The following LRP1B variants were observed in gnomAD, a reference collection of about 807,000 sequenced individuals.
The protein encoded by LRP1B is LDL receptor related protein 1B.
Under a neutral mutation model 556.6 loss-of-function variants are expected in LRP1B, and 217 were observed. That is an observed-to-expected ratio of 0.39 (90% confidence interval 0.35 to 0.44). The LOEUF (loss-of-function observed/expected upper bound fraction) is 0.44, where lower values mean the gene tolerates loss of function less well. Ranked by LOEUF, LRP1B falls within the 20% of genes least tolerant of loss-of-function variation. The pLI is 1.00. For missense variants in LRP1B, 5,053 were observed against 5,620.8 expected, an observed-to-expected ratio of 0.90 and a Z score of 3.23; for synonymous variants, 2,047 against 1,865.8, an observed-to-expected ratio of 1.10 and a Z score of -2.50.
chr2:141,671,302 C>G (rs1014673245), intron 2 of LRP1B, among the ~76,000 whole-genome samples: 1 of 152,048 alleles, frequency 6.6e-6, no homozygotes, highest in Non-Finnish European at 1.5e-5. Flanking sequence ...TCTCTAGAAG[C>G]AAATCATGAG....
intron 1 of LRP1B, among the ~76,000 whole-genome samples, chr2:141,957,794 A>G (rs1489135849): frequency 6.6e-6 from 1 of 152,090 alleles, no homozygotes; most frequent in Non-Finnish European, 1.5e-5. Context: ...TTGTGGTGTG[A>G]CAAAAGAGAT....
At chr2:140,582,322 G>A (rs1681801367) in intron 43 of LRP1B, among the ~76,000 whole-genome samples, 1 of 151,960 alleles carries the variant, frequency 6.6e-6, no homozygotes, top group African/African-American at 2.4e-5. Context: ...TCACGTAAAA[G>A]CCCCCTAAGG....
At chr2:140,550,960 A>G (rs1214578322) in intron 43 of LRP1B, among the ~76,000 whole-genome samples, 2 of 152,068 alleles carry the variant, frequency 1.3e-5, no homozygotes, top group Non-Finnish European at 2.9e-5. Context: ...TAATGTCCTT[A>G]TAAGTAGAGG....
intron 1 of LRP1B, among the ~76,000 whole-genome samples, chr2:142,034,275 G>T (rs1703801511): frequency 6.6e-6 from 1 of 151,550 alleles, no homozygotes; most frequent in Non-Finnish European, 1.5e-5. Flanking sequence ...ATATTTTATG[G>T]TGCATTTTCG....
At chr2:141,263,912 T>C (rs1269318184) in intron 3 of LRP1B, among the ~76,000 whole-genome samples, 1 of 152,026 alleles carries the variant, frequency 6.6e-6, no homozygotes, top group Non-Finnish European at 1.5e-5. Flanking sequence ...CCAAAAAGCG[T>C]TTAATAAAAA....
intron 15 of LRP1B, among the ~76,000 whole-genome samples, chr2:140,998,771 T>A (rs1438339422): frequency 2.0e-5 from 3 of 152,110 alleles, no homozygotes; most frequent in Non-Finnish European, 4.4e-5. Context: ...TTAGCCCAGC[T>A]TGAACATTTG....
At chr2:141,850,432 C>T (rs1697808275) in intron 1 of LRP1B, among the ~76,000 whole-genome samples, 1 of 151,512 alleles carries the variant, frequency 6.6e-6, no homozygotes, top group African/African-American at 2.4e-5. Context: ...CACCCATCAT[C>T]CACATTCCAC....
At chr2:141,749,822 T>C (rs1184328647) in intron 2 of LRP1B, among the ~76,000 whole-genome samples, 2 of 152,102 alleles carry the variant, frequency 1.3e-5, no homozygotes, top group African/African-American at 4.8e-5. Context: ...AGGTATGGCT[T>C]TACTTGCTGT....
intron 77 of LRP1B, among the ~76,000 whole-genome samples, chr2:140,341,922 C>A (rs1424505468): frequency 6.6e-6 from 1 of 151,204 alleles, no homozygotes; most frequent in Non-Finnish European, 1.5e-5. Flanking sequence ...CCAGAGGAGA[C>A]TAACTTAATG....
Position 140,790,198 on chromosome 2 carries a change from T to C in LRP1B, c.5360-13960A>G, listed in dbSNP as rs1021244. On this transcript the variant is annotated intron_variant, in intron 32 of 90. Coordinates refer to ENST00000389484, the MANE Select transcript of LRP1B (RefSeq NM_018557.3). ...TTTTTCACCTCTATCTTCAGCTCCC[T>C]GCAAAAGTATAACATAGATATATAA... 1.5e-3 allele frequency among the ~76,000 whole-genome samples: 233 copies of C among 152,242 alleles called. 1 individual carries two copies. Among genetic ancestry groups the C allele is most frequent in the African/African-American group, 5.3e-3 (221 of 41,540 alleles).
At chr2:141,426,747 T>C (rs1252535754) in intron 3 of LRP1B, among the ~76,000 whole-genome samples, 1 of 152,200 alleles carries the variant, frequency 6.6e-6, no homozygotes, top group Non-Finnish European at 1.5e-5. Context: ...TTAATTATTT[T>C]TTAGGCTGTA....
intron 6 of LRP1B, among the ~76,000 whole-genome samples, chr2:141,189,144 T>TA (rs573194693): frequency 1.1e-3 from 172 of 152,084 alleles, no homozygotes; most frequent in African/African-American, 3.3e-3. Flanking sequence ...TTAGGAATTG[T>TA]AAAAAAGGCT....
In LRP1B at chr2:141,052,937, C is replaced by G. The variant is rs1215646428; in HGVS notation, c.1552+2179G>C. Among the ~76,000 whole-genome samples, 4 of 152,018 alleles carry G rather than the reference C, an allele frequency of 2.6e-5. 1 individual carries two copies. Among genetic ancestry groups the G allele is most frequent in the African/African-American group, 9.7e-5 (4 of 41,424 alleles). On this transcript the variant is annotated intron_variant, in intron 10 of 90. Transcript: ENST00000389484. The stretch of plus-strand genomic sequence containing the variant: ...ACAGGCCTGAGCCACAACACTCGCC[C>G]TTGTTGTTACTTCTAATGGATGTCT...
chr2:140,768,206 G>T lies in LRP1B; in HGVS notation c.5758+1007C>A, dbSNP rs1055045233. 2.0e-5 allele frequency among the ~76,000 whole-genome samples: 3 copies of T among 151,842 alleles called. No homozygotes were observed. In the South Asian group the frequency reaches 6.2e-4, roughly 31 times the overall value. ...AACTCATTTTTGAACAATTTGTGAA[G>T]ATCCCCAGTAATTCATTAACTTGTA... On this transcript the variant is annotated intron_variant, in intron 35 of 90. Coordinates refer to ENST00000389484, the MANE Select transcript of LRP1B (RefSeq NM_018557.3).
chr2:140,265,759 G>C (rs1682173319), intron 86 of LRP1B, among the ~76,000 whole-genome samples: 1 of 151,968 alleles, frequency 6.6e-6, no homozygotes, highest in South Asian at 2.1e-4. Flanking sequence ...ACTGCCAATT[G>C]AGATCCGTGA....
chr2:141,843,137 T>C (rs1184149743), intron 1 of LRP1B, among the ~76,000 whole-genome samples: 1 of 152,142 alleles, frequency 6.6e-6, no homozygotes, highest in Non-Finnish European at 1.5e-5. Flanking sequence ...TTTCTTCTGT[T>C]CTTTTTTGTT....
chr2:141,033,874 A>AT (rs1301041014), intron 11 of LRP1B, among the ~76,000 whole-genome samples: 1 of 152,084 alleles, frequency 6.6e-6, no homozygotes, highest in African/African-American at 2.4e-5. Flanking sequence ...TAAATTTTAT[A>AT]TTTTTTGTGT....
At chr2:140,846,476 G>T (rs1326934194) in intron 29 of LRP1B, among the ~76,000 whole-genome samples, 1 of 152,050 alleles carries the variant, frequency 6.6e-6, no homozygotes, top group East Asian at 1.9e-4. Context: ...AAAATCACTT[G>T]AACCCAGGAG....
chr2:141,399,473 T>C (rs1041098624), intron 3 of LRP1B, among the ~76,000 whole-genome samples: 1 of 152,190 alleles, frequency 6.6e-6, no homozygotes, highest in African/African-American at 2.4e-5. Context: ...CATGTGCTTA[T>C]GGTTCCCCCA....
Sources: gnomAD v4.1 joint callset for allele counts (sites outside exome capture counted in the v4.1 genomes callset) on GRCh38, gnomAD v4.1.1 for gene constraint, MANE v1.5 for transcripts, NCBI Gene and HGNC (gene_info 2026-07-23, HGNC 2026-07-21) for gene names.